KIRREL3: variants seen among roughly 807,000 people sequenced by gnomAD.
KIRREL3 encodes the protein kin of IRRE-like protein 3.
In KIRREL3, 36 loss-of-function variants were observed where a neutral mutation model predicts 89.7. That is an observed-to-expected ratio of 0.40 (90% CI 0.31 to 0.53). The LOEUF is 0.53. KIRREL3 is among the 20% of genes least tolerant of loss of function. KIRREL3 has a pLI of 0.49. For synonymous variants in KIRREL3, 445 were observed against 441.4 expected (o/e 1.01, Z -0.10); for missense variants, 864 against 1,056.6 (o/e 0.82, Z 2.53).
At chr11:126,673,300 A>G (rs1414354928) in intron 1 of KIRREL3, among the ~76,000 whole-genome samples, 2 of 152,264 alleles carry the variant, frequency 1.3e-5, no homozygotes, top group Non-Finnish European at 2.9e-5. Flanking sequence ...AATCTGAACC[A>G]GTCCCGTCTG....
In KIRREL3 at chr11:126,562,793, C is replaced by T; in HGVS notation, c.133+42G>A. 6.6e-7 allele frequency: 1 copy of T among 1,523,840 alleles called. No individual in the cohort carries two copies. The highest frequency in any genetic ancestry group is 9.1e-7 in the Non-Finnish European group (1 of 1,098,200). The allele number at this position is 1,523,840 out of a possible 1,614,324, so 94.4% of individuals were successfully genotyped here. On this transcript the variant is annotated intron_variant, in intron 2 of 16. Coordinates refer to ENST00000525144, the MANE Select transcript of KIRREL3 (RefSeq NM_032531.4). This position sits in a 1 kb window ranked among gnomAD's most constrained non-coding sequence, Gnocchi z 4.7. ...TGTGGCTGTAGGGGAGAGCTTCCTC[C>T]CTCCAGATTACTCCCGAGACAATGG...
At chr11:126,499,454 G>A (rs554882471) in intron 4 of KIRREL3, among the ~76,000 whole-genome samples, 2 of 152,160 alleles carry the variant, frequency 1.3e-5, no homozygotes, top group South Asian at 4.2e-4. Flanking sequence ...TCTGTTCCTG[G>A]GACCCTCGGA....
rs1956883031 is a variant in KIRREL3 at position 126,471,259 on chromosome 11, A to G, written c.591+2050T>C. On this transcript the variant is annotated intron_variant, in intron 5 of 16. Transcript: ENST00000525144. The surrounding 1 kb of genome is among the most constrained non-coding windows in gnomAD (Gnocchi z 5.4). Reference sequence around the variant, plus strand: ...ATGGCACACGCCTGCAATCCCAGCTATTCTGGAGGCTGAGGCAGGAGAATC... The same window carrying G: ...ATGGCACACGCCTGCAATCCCAGCTGTTCTGGAGGCTGAGGCAGGAGAATC... 6.6e-6 allele frequency among the ~76,000 whole-genome samples: 1 copy of G among 152,130 alleles called. No homozygotes were observed. Among genetic ancestry groups the G allele is most frequent in the Admixed American group, 6.5e-5 (1 of 15,276 alleles).
intron 11 of KIRREL3, among the ~76,000 whole-genome samples, chr11:126,437,732 A>T (rs1281513250): frequency 6.6e-6 from 1 of 152,192 alleles, no homozygotes; most frequent in Non-Finnish European, 1.5e-5. Context: ...GTACACATGC[A>T]CACACACACC....
rs1370488746 is a variant in KIRREL3, at chr11:126,651,063, C to A, written c.56-88151G>T. On this transcript the variant is annotated intron_variant, in intron 1 of 16. Coordinates refer to ENST00000525144, the MANE Select transcript of KIRREL3 (RefSeq NM_032531.4). This position sits in a 1 kb window ranked among gnomAD's most constrained non-coding sequence, Gnocchi z 4.6. The stretch of plus-strand genomic sequence containing the variant: ...AGAACAGTATGGGGGAAACCACCCC[C>A]ATGATTCAAATTATCTCCCACCGGG... Among the ~76,000 whole-genome samples, 1 of 152,156 alleles carries A rather than the reference C, an allele frequency of 6.6e-6. No individual in the cohort carries two copies. The highest frequency in any genetic ancestry group is 1.5e-5 in the Non-Finnish European group (1 of 68,030).
intron 7 of KIRREL3, among the ~76,000 whole-genome samples, chr11:126,452,698 TG>T (rs773833157): frequency 6.6e-6 from 1 of 152,204 alleles, no homozygotes; most frequent in Non-Finnish European, 1.5e-5. Flanking sequence ...CAAGGTTCCC[TG>T]CCCTCCCTGT....
intron 1 of KIRREL3, among the ~76,000 whole-genome samples, chr11:126,637,360 A>G (rs1206234369): frequency 2.0e-5 from 3 of 152,044 alleles, no homozygotes; most frequent in Non-Finnish European, 4.4e-5. Flanking sequence ...AAATGCTATT[A>G]CCGACACTAT....
intron 1 of KIRREL3, among the ~76,000 whole-genome samples, chr11:126,793,345 T>C (rs796624430): frequency 6.6e-6 from 1 of 152,212 alleles, no homozygotes; most frequent in Admixed American, 6.5e-5. Flanking sequence ...GTGCAGGCAA[T>C]CTGGGTGGAG....
At chr11:126,749,817 A>G (rs1020669550) in intron 1 of KIRREL3, among the ~76,000 whole-genome samples, 2 of 152,202 alleles carry the variant, frequency 1.3e-5, no homozygotes, top group Non-Finnish European at 2.9e-5. Flanking sequence ...TGCTGAAGCT[A>G]GGAAGTCCAG....
Position 126,441,132 on chromosome 11 carries a change from C to G in KIRREL3, c.1253-583G>C, listed in dbSNP as rs1024491224. Among the ~76,000 whole-genome samples the G allele has an allele frequency of 2.0e-5, 3 of 152,212 alleles. No homozygotes were observed. Among genetic ancestry groups the G allele is most frequent in the South Asian group, 2.1e-4 (1 of 4,832 alleles). On this transcript the variant is annotated intron_variant, in intron 10 of 16. Transcript: ENST00000525144. This position sits in a 1 kb window ranked among gnomAD's most constrained non-coding sequence, Gnocchi z 5.0. ...GGACAGGGGGAATGCATGCGCTGGC[C>G]GTGTTCACAGCCCTCCTCCCACCTG... is the stretch of plus-strand genomic sequence containing the variant.
chr11:126,525,571 C>T lies in KIRREL3; in HGVS notation c.283+967G>A, dbSNP rs1958724140. ...TTCCCAACCATCATGTTCCTGAGTG[C>T]ACTTCGATTTTTATTTTCCTGCAGC... is the stretch of plus-strand genomic sequence containing the variant. On this transcript the variant is annotated intron_variant, in intron 3 of 16. Transcript: ENST00000525144. This position sits in a 1 kb window ranked among gnomAD's most constrained non-coding sequence, Gnocchi z 5.4. 6.6e-6 allele frequency among the ~76,000 whole-genome samples: 1 copy of T among 152,144 alleles called. No homozygotes were observed. Among genetic ancestry groups the T allele is most frequent in the Non-Finnish European group, 1.5e-5 (1 of 68,036 alleles).
chr11:126,865,767 C>T (rs577024598), intron 1 of KIRREL3, among the ~76,000 whole-genome samples: 5 of 152,298 alleles, frequency 3.3e-5, no homozygotes, highest in African/African-American at 1.2e-4. Flanking sequence ...CAAAGAAGTA[C>T]AGAAGTTTTC....
rs967804956 is a variant in KIRREL3, at chr11:126,724,346, C to T, written c.56-161434G>A. 6.6e-5 allele frequency among the ~76,000 whole-genome samples: 10 copies of T among 152,328 alleles called. No homozygotes were observed. The highest frequency in any genetic ancestry group is 5.8e-4 in the East Asian group (3 of 5,182). On this transcript the variant is annotated intron_variant, in intron 1 of 16. Transcript: ENST00000525144. This position sits in a 1 kb window ranked among gnomAD's most constrained non-coding sequence, Gnocchi z 4.3. ...TAAGACAGGCCCCAACTAGTACACA[C>T]GCAGATCCATGCACACCCACACACA...
rs892552509 is a variant in KIRREL3, at chr11:126,635,173, G to A, written c.56-72261C>T. Among the ~76,000 whole-genome samples the A allele has an allele frequency of 1.3e-5, 2 of 152,214 alleles. No individual in the cohort carries two copies. Among genetic ancestry groups the A allele is most frequent in the Non-Finnish European group, 2.9e-5 (2 of 68,038 alleles). On this transcript the variant is annotated intron_variant, in intron 1 of 16. Coordinates refer to ENST00000525144, the MANE Select transcript of KIRREL3 (RefSeq NM_032531.4). This position sits in a 1 kb window ranked among gnomAD's most constrained non-coding sequence, Gnocchi z 4.0. ...AAGGGTCTGCAGTGAGGCAGGGCTG[G>A]ACAGCTCCACCTCTAGGCAGGCACA...
chr11:126,962,884 A>T (rs1949138018), intron 1 of KIRREL3, among the ~76,000 whole-genome samples: 1 of 152,178 alleles, frequency 6.6e-6, no homozygotes, highest in South Asian at 2.1e-4. Flanking sequence ...AAGAGATTAT[A>T]ACTCGTTAAA....
chr11:126,526,439 C>T lies in KIRREL3; in HGVS notation c.283+99G>A. 2 of 1,208,640 alleles carry T rather than the reference C, an allele frequency of 1.7e-6. No individual in the cohort carries two copies. Among genetic ancestry groups the T allele is most frequent in the South Asian group, 1.5e-5 (1 of 66,556 alleles). The allele number at this position is 1,208,640 out of a possible 1,614,324, so 74.9% of individuals were successfully genotyped here. A position where few individuals can be genotyped will look rare whatever the true frequency, so the allele number is the denominator to read the frequency against. ...TGCAGTGAAAGCTAGAGATTCGATA[C>T]TCAGACACCTGTGAAGATGGGTGCT... On this transcript the variant is annotated intron_variant, in intron 3 of 16. Transcript: ENST00000525144. The surrounding 1 kb of genome is among the most constrained non-coding windows in gnomAD (Gnocchi z 5.7).
At position 126,611,545 on chromosome 11, in the gene KIRREL3, T is replaced by C. The variant is rs571911; in HGVS notation, c.56-48633A>G. ...TCATCTCCTTTGTTTTCCACTTGCT[T>C]AGTTTCCTACTCTTCCCTTTATCCT... On this transcript the variant is annotated intron_variant, in intron 1 of 16. Transcript: ENST00000525144. The surrounding 1 kb of genome is among the most constrained non-coding windows in gnomAD (Gnocchi z 4.7). Among the ~76,000 whole-genome samples, 48,185 of 152,000 alleles carry C rather than the reference T, an allele frequency of 0.32. 8,002 individuals are homozygous for C. The highest frequency in any genetic ancestry group is 0.42 in the East Asian group (2,145 of 5,152).
In KIRREL3 at chr11:126,428,087, T is replaced by A. The variant is rs531200885; in HGVS notation, c.1806+1092A>T. Among the ~76,000 whole-genome samples the A allele has an allele frequency of 2.8e-4, 42 of 152,348 alleles. No individual in the cohort carries two copies. Among genetic ancestry groups the A allele is most frequent in the African/African-American group, 9.6e-4 (40 of 41,578 alleles). ...AACACAGCAGCAGCTGCTCACCCTC[T>A]AGCAACATAAACCGCTAATATTTCT... On this transcript the variant is annotated intron_variant, in intron 15 of 16. Coordinates refer to ENST00000525144, the MANE Select transcript of KIRREL3 (RefSeq NM_032531.4). This position sits in a 1 kb window ranked among gnomAD's most constrained non-coding sequence, Gnocchi z 6.4.
chr11:126,806,872 C>A (rs997329579), intron 1 of KIRREL3, among the ~76,000 whole-genome samples: 1 of 151,602 alleles, frequency 6.6e-6, no homozygotes, highest in Non-Finnish European at 1.5e-5. Context: ...GTGATGTTTA[C>A]CTCTCTGTGT....
Sources: gnomAD v4.1 joint callset for allele counts (sites outside exome capture counted in the v4.1 genomes callset) on GRCh38, gnomAD v4.1.1 for gene constraint, Gnocchi (gnomAD v3.1) non-coding constraint, MANE v1.5 for transcripts, NCBI Gene and HGNC (gene_info 2026-07-23, HGNC 2026-07-21) for gene names.